The following ZCCHC24 variants were observed in gnomAD, a reference collection of about 807,000 sequenced individuals.
ZCCHC24 encodes the protein zinc finger CCHC domain-containing protein 24.
A neutral mutation model predicts 26.2 loss-of-function variants in ZCCHC24; 10 were observed. The ratio of observed to expected loss-of-function variants is 0.38; its 90% confidence interval spans 0.24 to 0.65. The LOEUF (loss-of-function observed/expected upper bound fraction) is 0.65. ZCCHC24 is among the 30% of genes least tolerant of loss of function. The probability of loss-of-function intolerance (pLI) is 0.54; values close to 1 mark genes in which losing one functional copy is unlikely to be tolerated. For missense variants in ZCCHC24, 243 were observed against 329.1 expected (o/e 0.74, Z 2.03); for synonymous variants, 144 against 147.1 (o/e 0.98, Z 0.15).
At chr10:79,388,287 C>G (rs1175092587) in intron 3 of ZCCHC24, among the ~76,000 whole-genome samples, 2 of 152,146 alleles carry the variant, frequency 1.3e-5, no homozygotes, top group East Asian at 1.9e-4. Context: ...TGGTGGAGGG[C>G]TATCAAAATT....
intron 2 of ZCCHC24, among the ~76,000 whole-genome samples, chr10:79,414,365 G>A (rs980963985): frequency 4.6e-5 from 7 of 152,166 alleles, no homozygotes; most frequent in Admixed American, 1.3e-4. Flanking sequence ...AGAAACACAC[G>A]GAAGGTTTCA....
Position 79,394,436 on chromosome 10 carries a change from C to T in ZCCHC24, c.452G>A (p.Arg151His), listed in dbSNP as rs1055136781. 4 of 1,613,406 alleles carry T rather than the reference C, an allele frequency of 2.5e-6. No individual in the cohort carries two copies. The highest frequency in any genetic ancestry group is 2.7e-5 in the African/African-American group (2 of 74,944). Residue 151 changes from arginine to histidine, a missense_variant, in exon 3 of 4, where the codon CGC becomes CAC. Physicochemically the swap from Arg to His is conservative, Grantham distance 29. This residue lies in a region of ZCCHC24 where 96 missense variants were observed against 178.3 expected (regional missense o/e 0.54). Transcript: ENST00000372336. ...TGGAGTCAGGCCCTCGCCTTTGGGG[C>T]GTGCCTACAGGGCAGGAAGCAAACA... ...GHYIKDCPQA[R>H]PKGEGLTPYQ...
At chr10:79,425,868 C>T (rs1029356128) in intron 2 of ZCCHC24, among the ~76,000 whole-genome samples, 1 of 147,508 alleles carries the variant, frequency 6.8e-6, no homozygotes, top group Admixed American at 6.8e-5. Context: ...TTTCAAGAAG[C>T]AAATGATAGA....
chr10:79,418,969 C>T (rs954763357), intron 2 of ZCCHC24, among the ~76,000 whole-genome samples: 1 of 152,002 alleles, frequency 6.6e-6, no homozygotes, highest in Non-Finnish European at 1.5e-5. Flanking sequence ...ATTGCAGACT[C>T]GGGGACAGTG....
chr10:79,383,597 A>G lies in ZCCHC24; in HGVS notation c.*2748T>C, dbSNP rs1222890365. 1 of 152,038 alleles carries G rather than the reference A, an allele frequency of 6.6e-6. No individual in the cohort carries two copies. Among genetic ancestry groups the G allele is most frequent in the Non-Finnish European group, 1.5e-5 (1 of 67,986 alleles). 9.4% of individuals were successfully genotyped at this position (152,038 alleles called of 1,614,324 possible). A position where few individuals can be genotyped will look rare whatever the true frequency, so the allele number is the denominator to read the frequency against. ...AAATGCCTCTCTTTTTGTTTGTTTT[A>G]ATCTCAAAAATCAAACAATTATATT... is the stretch of plus-strand genomic sequence containing the variant. On this transcript the variant is annotated 3_prime_UTR_variant, in exon 4 of 4. Transcript: ENST00000372336.
At chr10:79,442,714 C>T (rs1315787439) in intron 1 of ZCCHC24, among the ~76,000 whole-genome samples, 2 of 152,242 alleles carry the variant, frequency 1.3e-5, no homozygotes, top group Non-Finnish European at 2.9e-5. Flanking sequence ...TGCTTCCTCT[C>T]CGACCAGCCC....
rs551448611 is a variant in ZCCHC24 at position 79,429,899 on chromosome 10, G to A, written c.447+2659C>T. 1.4e-4 allele frequency among the ~76,000 whole-genome samples: 21 copies of A among 152,262 alleles called. No individual in the cohort carries two copies. In the East Asian group the frequency reaches 1.5e-3, roughly 11 times the overall value. ...TTCAGGGAGCCTTGCACTGAGCACC[G>A]CTGCGTGTGAGGTCCCTTGAGCTGG... On this transcript the variant is annotated intron_variant, in intron 2 of 3. Transcript: ENST00000372336.
chr10:79,420,516 C>T (rs866087244), intron 2 of ZCCHC24, among the ~76,000 whole-genome samples: 3 of 152,192 alleles, frequency 2.0e-5, no homozygotes, highest in South Asian at 2.1e-4. Flanking sequence ...TGGTGGCTCA[C>T]GCCTGTAATC....
At chr10:79,406,531 G>A (rs1471259320) in intron 2 of ZCCHC24, among the ~76,000 whole-genome samples, 3 of 152,178 alleles carry the variant, frequency 2.0e-5, no homozygotes, top group African/African-American at 7.2e-5. Flanking sequence ...GGTGTTCTGT[G>A]CAGGAAGCTC....
intron 1 of ZCCHC24, among the ~76,000 whole-genome samples, chr10:79,443,223 G>A (rs1381614909): frequency 6.6e-6 from 1 of 152,172 alleles, no homozygotes; most frequent in African/African-American, 2.4e-5. Context: ...ACTGAGGTAC[G>A]CAGCAATGAA....
chr10:79,394,239 C>T (rs201891947), intron 3 of ZCCHC24, 37 bp downstream of exon 3: 168 of 1,599,282 alleles, frequency 1.1e-4, no homozygotes, highest in Non-Finnish European at 1.3e-4. Context: ...TGCCCTCCCG[C>T]GGTCCTTCTG....
chr10:79,441,158 A>G (rs1857287701), intron 1 of ZCCHC24, among the ~76,000 whole-genome samples: 1 of 150,862 alleles, frequency 6.6e-6, no homozygotes. Flanking sequence ...CCTTAAGCCC[A>G]CTCTCGAACA....
chr10:79,430,686 CCA>C (rs71030975), intron 2 of ZCCHC24, among the ~76,000 whole-genome samples: 207 of 140,532 alleles, frequency 1.5e-3, no homozygotes, highest in African/African-American at 3.7e-3. Flanking sequence ...CACACACACA[CCA>C]CACACACACA....
At chr10:79,414,605 G>T (rs182680254) in intron 2 of ZCCHC24, among the ~76,000 whole-genome samples, 1 of 152,206 alleles carries the variant, frequency 6.6e-6, no homozygotes, top group East Asian at 1.9e-4. Flanking sequence ...TTGTAATCTT[G>T]CATTCCCAGG....
In ZCCHC24 at chr10:79,383,171, T is replaced by C. The variant is rs1427721047; in HGVS notation, c.*3174A>G. 4 of 152,726 alleles carry C rather than the reference T, an allele frequency of 2.6e-5. No homozygotes were observed. Among genetic ancestry groups the C allele is most frequent in the African/African-American group, 9.7e-5 (4 of 41,430 alleles). 9.5% of individuals were successfully genotyped at this position (152,726 alleles called of 1,614,324 possible). On this transcript the variant is annotated 3_prime_UTR_variant, in exon 4 of 4. Transcript: ENST00000372336. Reference sequence around the variant, plus strand: ...AAGGCAATACTTTCCAAAATACACATATGTATAAATACAGGACAAGAACAT... The same window carrying C: ...AAGGCAATACTTTCCAAAATACACACATGTATAAATACAGGACAAGAACAT...
At chr10:79,396,170 CAT>C (rs1392565401) in intron 2 of ZCCHC24, among the ~76,000 whole-genome samples, 2 of 152,234 alleles carry the variant, frequency 1.3e-5, no homozygotes, top group Non-Finnish European at 2.9e-5. Context: ...CATGCTACAG[CAT>C]ATGTCAGCAC....
chr10:79,400,145 A>G (rs1455933454), intron 2 of ZCCHC24, among the ~76,000 whole-genome samples: 1 of 152,220 alleles, frequency 6.6e-6, no homozygotes, highest in Non-Finnish European at 1.5e-5. Context: ...CTGTATTTCT[A>G]TAGGACAACT....
intron 3 of ZCCHC24, among the ~76,000 whole-genome samples, chr10:79,386,721 G>A (rs551925676): frequency 5.9e-5 from 9 of 152,316 alleles, no homozygotes; most frequent in East Asian, 1.9e-4. Context: ...TCCTGAGCCC[G>A]CATGCAGGCG....
intron 2 of ZCCHC24, among the ~76,000 whole-genome samples, chr10:79,413,458 A>G (rs1354254239): frequency 6.6e-6 from 1 of 152,266 alleles, no homozygotes; most frequent in Non-Finnish European, 1.5e-5. Flanking sequence ...CCAGGAGGTC[A>G]TGCGGGGGCA....
Sources: allele counts gnomAD v4.1 joint callset (sites outside exome capture counted in the v4.1 genomes callset), GRCh38; gene constraint gnomAD v4.1.1; regional missense constraint gnomAD v4.1.1; transcripts MANE v1.5; gene names NCBI Gene and HGNC (gene_info 2026-07-23, HGNC 2026-07-21).